Variants in CRACR2A observed in about 807,000 individuals in gnomAD.
CRACR2A encodes calcium release activated channel regulator 2A.
CRACR2A carries 79 observed loss-of-function variants against 90.5 expected under a neutral mutation model. That is an observed-to-expected ratio of 0.87 (90% CI 0.73 to 1.05). CRACR2A has a LOEUF of 1.05. Ranked by LOEUF, CRACR2A falls within the 50% of genes least tolerant of loss-of-function variation. The pLI is 0.00. For missense variants in CRACR2A, 823 were observed against 897.2 expected, an observed-to-expected ratio of 0.92 and a Z score of 1.06; for synonymous variants, 338 against 356.7, an observed-to-expected ratio of 0.95 and a Z score of 0.59.
chr12:3,648,937 G>A (rs1944743362), intron 10 of CRACR2A, among the ~76,000 whole-genome samples: 1 of 152,140 alleles, frequency 6.6e-6, no homozygotes, highest in South Asian at 2.1e-4. Flanking sequence ...CACTTCACAT[G>A]CCACCTGTGA....
At chr12:3,681,242 C>T (rs1387389470) in intron 4 of CRACR2A, among the ~76,000 whole-genome samples, 1 of 152,232 alleles carries the variant, frequency 6.6e-6, no homozygotes, top group Non-Finnish European at 1.5e-5. Flanking sequence ...TCCACTCCAG[C>T]TCCCTGCTGA....
intron 17 of CRACR2A, among the ~76,000 whole-genome samples, chr12:3,625,651 C>G (rs530887648): frequency 6.7e-6 from 1 of 149,146 alleles, no homozygotes; most frequent in African/African-American, 2.5e-5. Context: ...ACTCTTTTGT[C>G]TAACAAAATT....
At chr12:3,682,843 T>C (rs1401412584) in intron 4 of CRACR2A, among the ~76,000 whole-genome samples, 1 of 151,784 alleles carries the variant, frequency 6.6e-6, no homozygotes, top group Non-Finnish European at 1.5e-5. Context: ...AGCAGAGTAA[T>C]GTGATCTCAG....
chr12:3,634,213 G>A (rs1288770703), intron 14 of CRACR2A, among the ~76,000 whole-genome samples: 1 of 152,178 alleles, frequency 6.6e-6, no homozygotes, highest in Non-Finnish European at 1.5e-5. Flanking sequence ...CACATCACAG[G>A]GACAGAGACG....
chr12:3,673,794 A>G (rs1446321245), intron 6 of CRACR2A, among the ~76,000 whole-genome samples: 2 of 152,162 alleles, frequency 1.3e-5, no homozygotes, highest in African/African-American at 4.8e-5. Flanking sequence ...CAATAACCCT[A>G]CAAGGCAGGA....
At chr12:3,635,146 G>A (rs982667314) in intron 14 of CRACR2A, among the ~76,000 whole-genome samples, 2 of 152,184 alleles carry the variant, frequency 1.3e-5, no homozygotes, top group Non-Finnish European at 2.9e-5. Flanking sequence ...TGATTTTGCA[G>A]GCAAAAGCCC....
At chr12:3,752,818 G>A (rs370252807) in intron 1 of CRACR2A, among the ~76,000 whole-genome samples, 197 bp downstream of exon 1, 2 of 152,126 alleles carry the variant, frequency 1.3e-5, no homozygotes, top group South Asian at 2.1e-4. Flanking sequence ...ACAGGGAGGG[G>A]AGCAAGGGCC....
chr12:3,746,866 C>T lies in CRACR2A; in HGVS notation c.-387+6149G>A, dbSNP rs1374908941. Among the ~76,000 whole-genome samples, 3 of 152,208 alleles carry T rather than the reference C, an allele frequency of 2.0e-5. No homozygotes were observed. Among genetic ancestry groups the T allele is most frequent in the African/African-American group, 4.8e-5 (2 of 41,452 alleles). ...AGAAGGACCAACAAGGGGAGGAGTA[C>T]ACCCTTAGCATGGAACTCAACCACA... On this transcript the variant is annotated intron_variant, in intron 1 of 19. Coordinates refer to ENST00000440314, the MANE Select transcript of CRACR2A (RefSeq NM_001144958.2). This position sits in a 1 kb window ranked among gnomAD's most constrained non-coding sequence, Gnocchi z 4.4.
intron 15 of CRACR2A, among the ~76,000 whole-genome samples, chr12:3,629,854 G>C (rs931780955): frequency 9.9e-5 from 15 of 151,136 alleles, no homozygotes; most frequent in Admixed American, 2.0e-4. Flanking sequence ...GACAAGGGGG[G>C]GGGGGGATGA....
chr12:3,752,921 G>C (rs1355534728), intron 1 of CRACR2A, 94 bp downstream of exon 1: 1 of 152,388 alleles, frequency 6.6e-6, no homozygotes, highest in East Asian at 1.9e-4. Context: ...ATGTGCGGCA[G>C]ACACGCGCTC....
At chr12:3,620,168 G>A (rs998342147) in intron 17 of CRACR2A, among the ~76,000 whole-genome samples, 3 of 152,264 alleles carry the variant, frequency 2.0e-5, no homozygotes, top group Admixed American at 2.0e-4. Flanking sequence ...AAGGGGCACC[G>A]TGTGTGTCTC....
In CRACR2A at chr12:3,633,463, C is replaced by T; in HGVS notation, c.1735+141G>A. ...TGCCCCTCCCAGCCTGTCTGTTGAA[C>T]AGAGCAGACACCAGTATCCCTACTG... On this transcript the variant is annotated intron_variant, in intron 15 of 19. Coordinates refer to ENST00000440314, the MANE Select transcript of CRACR2A (RefSeq NM_001144958.2). This position sits in a 1 kb window ranked among gnomAD's most constrained non-coding sequence, Gnocchi z 4.5. The T allele has an allele frequency of 8.7e-7, 1 of 1,153,440 alleles. No homozygotes were observed. Among genetic ancestry groups the T allele is most frequent in the Admixed American group, 2.6e-5 (1 of 38,768 alleles). The allele number at this position is 1,153,440 out of a possible 1,614,324, so 71.5% of individuals were successfully genotyped here.
At chr12:3,621,398 T>C (rs986260816) in intron 17 of CRACR2A, among the ~76,000 whole-genome samples, 3 of 144,716 alleles carry the variant, frequency 2.1e-5, no homozygotes, top group African/African-American at 5.0e-5. Context: ...GGTTTCTTCT[T>C]TTTTTTTTTT....
chr12:3,709,130 G>A (rs908993581), intron 3 of CRACR2A, among the ~76,000 whole-genome samples: 2 of 152,212 alleles, frequency 1.3e-5, no homozygotes, highest in African/African-American at 2.4e-5. Context: ...GGTAGAGGAG[G>A]TGAGAAGAGC....
intron 7 of CRACR2A, among the ~76,000 whole-genome samples, chr12:3,670,440 A>T (rs555379227): frequency 6.6e-6 from 1 of 151,896 alleles, no homozygotes; most frequent in Non-Finnish European, 1.5e-5. Flanking sequence ...CCCACAAACA[A>T]CCTCACACCT....
chr12:3,630,547 G>A (rs976256379), intron 15 of CRACR2A, among the ~76,000 whole-genome samples: 3 of 152,214 alleles, frequency 2.0e-5, no homozygotes, highest in African/African-American at 7.2e-5. Flanking sequence ...TCTGGCCTGT[G>A]ATTTAACACA....
intron 15 of CRACR2A, among the ~76,000 whole-genome samples, chr12:3,632,552 T>C (rs1944393450): frequency 6.6e-6 from 1 of 152,130 alleles, no homozygotes; most frequent in Non-Finnish European, 1.5e-5. Context: ...CAGAAAAGCA[T>C]CTTCACCTCT....
chr12:3,646,697 C>G (rs750369798), intron 11 of CRACR2A, among the ~76,000 whole-genome samples: 1 of 152,148 alleles, frequency 6.6e-6, no homozygotes, highest in Admixed American at 6.5e-5. Context: ...TCGCTCCGCG[C>G]GGAGCTGTGA....
intron 4 of CRACR2A, among the ~76,000 whole-genome samples, chr12:3,693,130 A>G (rs950786489): frequency 6.6e-6 from 1 of 152,204 alleles, no homozygotes; most frequent in African/African-American, 2.4e-5. Flanking sequence ...ACCTGCCTGC[A>G]CACACATGCA....
Sources: allele counts gnomAD v4.1 joint callset (sites outside exome capture counted in the v4.1 genomes callset), GRCh38; gene constraint gnomAD v4.1.1; non-coding constraint Gnocchi (gnomAD v3.1); transcripts MANE v1.5; gene names NCBI Gene and HGNC (gene_info 2026-07-23, HGNC 2026-07-21).